VWC2: variants seen among roughly 807,000 people sequenced by gnomAD.
VWC2 encodes brorin.
VWC2 carries 14 observed loss-of-function variants against 29.8 expected under a neutral mutation model. The observed-to-expected ratio is 0.47, with a 90% CI of 0.31 to 0.74. The LOEUF is 0.74. VWC2 is among the 30% of genes least tolerant of loss of function. The pLI, the probability that VWC2 is intolerant of heterozygous loss-of-function variation, is 0.05. For synonymous variants in VWC2, 213 were observed against 199.0 expected (o/e 1.07, Z -0.59); for missense variants, 457 against 459.8 (o/e 0.99, Z 0.05).
chr7:49,913,652 C>A lies in VWC2; in HGVS notation c.*1467C>A, dbSNP rs1793574306. 2 of 152,096 alleles carry A rather than the reference C, an allele frequency of 1.3e-5. No homozygotes were observed. The highest frequency in any genetic ancestry group is 4.2e-4 in the South Asian group (2 of 4,818). 9.4% of individuals were successfully genotyped at this position (152,096 alleles called of 1,614,324 possible). ...TTTCTTGCCTTCTTGGACTTTCGGT[C>A]TCTGGCATAAGAAGTATATGAAATC... On this transcript the variant is annotated 3_prime_UTR_variant, in exon 4 of 4. Transcript: ENST00000340652.
intron 3 of VWC2, among the ~76,000 whole-genome samples, chr7:49,821,739 T>A (rs1230551200): frequency 1.3e-5 from 2 of 152,178 alleles, no homozygotes; most frequent in African/African-American, 4.8e-5. Context: ...TATTTTAAAT[T>A]CATTTAAAGA....
intron 2 of VWC2, 47 bp from the exon 3 acceptor site, chr7:49,802,664 T>A: frequency 6.2e-7 from 1 of 1,612,062 alleles, no homozygotes; most frequent in Admixed American, 1.7e-5. Flanking sequence ...CCCTGTAGGA[T>A]AAACATGACA....
rs1790537645 is a variant in VWC2, at chr7:49,858,914, G to A, written c.827-53120G>A. 2.6e-5 allele frequency among the ~76,000 whole-genome samples: 4 copies of A among 152,074 alleles called. No homozygotes were observed. The South Asian group carries it at 8.3e-4, about 32-fold the overall frequency. On this transcript the variant is annotated intron_variant, in intron 3 of 3. Transcript: ENST00000340652. ...TCTCTTCCAGAGATTCATCCACATT[G>A]ACAAAGGTTGAAGGTATATTTATTT...
At position 49,918,319 on chromosome 7, in the gene VWC2, C is replaced by A. The variant is rs192421196; in HGVS notation, c.*6134C>A. ...GAAGTCTTATCATTTGTGTTTAGGT[C>A]AGGGACCTCTAGAAAATAGACAGAA... On this transcript the variant is annotated 3_prime_UTR_variant, in exon 4 of 4. Transcript: ENST00000340652. 1 of 152,158 alleles carries A rather than the reference C, an allele frequency of 6.6e-6. No individual in the cohort carries two copies. Among genetic ancestry groups the A allele is most frequent in the African/African-American group, 2.4e-5 (1 of 41,446 alleles). 9.4% of individuals were successfully genotyped at this position (152,158 alleles called of 1,614,324 possible). A position where few individuals can be genotyped will look rare whatever the true frequency, so the allele number is the denominator to read the frequency against.
At chr7:49,866,586 G>C (rs1405308177) in intron 3 of VWC2, among the ~76,000 whole-genome samples, 4 of 152,110 alleles carry the variant, frequency 2.6e-5, no homozygotes, top group African/African-American at 9.7e-5. Context: ...CAGAAAAGAC[G>C]GAAAACAGCC....
chr7:49,830,800 A>C (rs1221136044), intron 3 of VWC2, among the ~76,000 whole-genome samples: 1 of 152,118 alleles, frequency 6.6e-6, no homozygotes, highest in African/African-American at 2.4e-5. Context: ...TAGTTTGCTG[A>C]GAATGATGAT....
chr7:49,902,141 G>A (rs1408759494), intron 3 of VWC2, among the ~76,000 whole-genome samples: 1 of 151,940 alleles, frequency 6.6e-6, no homozygotes, highest in Non-Finnish European at 1.5e-5. Context: ...TGAATTTTTA[G>A]ATACAACATC....
chr7:49,909,549 G>A (rs554998945), intron 3 of VWC2, among the ~76,000 whole-genome samples: 4 of 152,124 alleles, frequency 2.6e-5, no homozygotes, highest in Non-Finnish European at 4.4e-5. Flanking sequence ...ACTGGGTGGG[G>A]AGGGGTCTTG....
At chr7:49,842,436 T>C (rs1339848752) in intron 3 of VWC2, among the ~76,000 whole-genome samples, 1 of 152,200 alleles carries the variant, frequency 6.6e-6, no homozygotes, top group Admixed American at 6.5e-5. Context: ...CTGAAGTCAG[T>C]ATAGGGGAGA....
intron 2 of VWC2, among the ~76,000 whole-genome samples, chr7:49,788,417 G>A (rs1583626105): frequency 2.0e-5 from 3 of 152,030 alleles, no homozygotes; most frequent in Admixed American, 2.0e-4. Flanking sequence ...TGCCAAACGG[G>A]AGCACTGTAG....
chr7:49,779,902 A>G (rs1207055748), intron 2 of VWC2, among the ~76,000 whole-genome samples: 1 of 152,138 alleles, frequency 6.6e-6, no homozygotes, highest in Non-Finnish European at 1.5e-5. Context: ...TCCTCTTCTT[A>G]TAAGGACACA....
At chr7:49,868,654 G>A (rs1791011231) in intron 3 of VWC2, among the ~76,000 whole-genome samples, 1 of 152,180 alleles carries the variant, frequency 6.6e-6, no homozygotes, top group Non-Finnish European at 1.5e-5. Flanking sequence ...GTCTTGCTCT[G>A]TCACCTAGGC....
intron 2 of VWC2, among the ~76,000 whole-genome samples, chr7:49,782,726 C>T (rs1788205317): frequency 6.6e-6 from 1 of 151,128 alleles, no homozygotes; most frequent in African/African-American, 2.4e-5. Flanking sequence ...TTGGTGTGCT[C>T]ACCTGTAGAC....
intron 3 of VWC2, among the ~76,000 whole-genome samples, chr7:49,892,605 A>G (rs1375363298): frequency 6.6e-6 from 1 of 152,176 alleles, no homozygotes; most frequent in Non-Finnish European, 1.5e-5. Context: ...TTGCAGTTTC[A>G]TGCTGTGTTG....
chr7:49,867,052 C>T (rs949898322), intron 3 of VWC2, among the ~76,000 whole-genome samples: 5 of 152,174 alleles, frequency 3.3e-5, no homozygotes, highest in Non-Finnish European at 5.9e-5. Context: ...GTAACCATCT[C>T]GTTAGAGAGA....
intron 3 of VWC2, among the ~76,000 whole-genome samples, chr7:49,886,011 G>A (rs765481373): frequency 1.3e-5 from 2 of 152,216 alleles, no homozygotes; most frequent in Non-Finnish European, 2.9e-5. Context: ...TTTTGAAATC[G>A]CTGTTGGACA....
chr7:49,852,477 A>G (rs1375019898), intron 3 of VWC2, among the ~76,000 whole-genome samples: 1 of 152,188 alleles, frequency 6.6e-6, no homozygotes, highest in Admixed American at 6.5e-5. Context: ...TTAGGGAGAT[A>G]ATTTCTTTCC....
chr7:49,860,786 A>T (rs1335456326), intron 3 of VWC2, among the ~76,000 whole-genome samples: 2 of 152,220 alleles, frequency 1.3e-5, no homozygotes, highest in African/African-American at 4.8e-5. Context: ...CCTTAATCTA[A>T]TAGGGTTGGT....
intron 2 of VWC2, among the ~76,000 whole-genome samples, chr7:49,801,589 G>A (rs1583636823): frequency 6.6e-6 from 1 of 152,238 alleles, no homozygotes; most frequent in African/African-American, 2.4e-5. Context: ...AGAAGGCAGA[G>A]TATGAGCCCA....
Sources: allele counts gnomAD v4.1 joint callset (sites outside exome capture counted in the v4.1 genomes callset), GRCh38; gene constraint gnomAD v4.1.1; transcripts MANE v1.5; gene names NCBI Gene and HGNC (gene_info 2026-07-23, HGNC 2026-07-21).